Variants in STK32B observed in about 807,000 individuals in gnomAD.
STK32B encodes serine/threonine-protein kinase 32B.
STK32B carries 43 observed loss-of-function variants against 52.6 expected under a neutral mutation model. The ratio of observed to expected loss-of-function variants is 0.82; its 90% CI spans 0.64 to 1.05. The LOEUF (loss-of-function observed/expected upper bound fraction) is 1.05. Among genes scored for constraint, STK32B ranks in the 50% least tolerant of loss-of-function variants. The pLI, the probability that STK32B is intolerant of heterozygous loss-of-function variation, is 0.00. For synonymous variants in STK32B, 238 were observed against 204.3 expected (o/e 1.17, Z -1.41); for missense variants, 621 against 534.6 (o/e 1.16, Z -1.59).
At chr4:5,096,221 A>G (rs545389701) in intron 1 of STK32B, among the ~76,000 whole-genome samples, 3 of 152,376 alleles carry the variant, frequency 2.0e-5, no homozygotes, top group African/African-American at 7.2e-5. Context: ...GGTTTACCCT[A>G]AAATATCCTT....
intron 6 of STK32B, among the ~76,000 whole-genome samples, chr4:5,428,738 T>C (rs1713309266): frequency 1.3e-5 from 2 of 152,224 alleles, no homozygotes; most frequent in East Asian, 3.9e-4. Context: ...ATTACTAAGA[T>C]GTAAGTGTTG....
rs751710621 is a variant in STK32B at position 5,168,301 on chromosome 4, A to T, written c.111A>T (p.Val37=). 1.2e-6 allele frequency: 2 copies of T among 1,613,550 alleles called. No individual in the cohort carries two copies. The highest frequency in any genetic ancestry group is 2.2e-5 in the East Asian group (1 of 44,810). ...TCTCTCCTTTGGCTGTCGCTCAGGT[A>T]TGCATCGTGCAGAAGCGAGACACTA... ...RAIGKGSFGK[V]CIVQKRDTKK... Residue 37 remains valine, a splice_region_variant and synonymous_variant, in exon 3 of 12, where the codon GTA becomes GTT. Coordinates refer to ENST00000282908, the MANE Select transcript of STK32B (RefSeq NM_018401.3).
chr4:5,159,788 A>AAT (rs1201247020), intron 2 of STK32B, among the ~76,000 whole-genome samples: 2 of 145,154 alleles, frequency 1.4e-5, no homozygotes, highest in East Asian at 2.0e-4. Context: ...AATGTTTATG[A>AAT]ATATATATAT....
At chr4:5,416,998 C>T (rs1449320201) in intron 6 of STK32B, 64 bp downstream of exon 6, 1 of 1,463,686 alleles carries the variant, frequency 6.8e-7, no homozygotes, top group African/African-American at 1.4e-5. Flanking sequence ...CAGCATCCTT[C>T]TCTTGTTTCA....
intron 2 of STK32B, among the ~76,000 whole-genome samples, chr4:5,153,229 T>G (rs1577111898): frequency 6.6e-6 from 1 of 152,262 alleles, no homozygotes; most frequent in African/African-American, 2.4e-5. Context: ...CAACAGGGCA[T>G]AGAGGAAAGG....
intron 4 of STK32B, among the ~76,000 whole-genome samples, chr4:5,334,432 A>G (rs1249989832): frequency 6.6e-6 from 1 of 152,120 alleles, no homozygotes; most frequent in Non-Finnish European, 1.5e-5. Flanking sequence ...AACAGGGACA[A>G]TTTGACATCC....
chr4:5,232,318 A>C (rs773261307), intron 3 of STK32B, among the ~76,000 whole-genome samples: 1 of 152,242 alleles, frequency 6.6e-6, no homozygotes, highest in Non-Finnish European at 1.5e-5. Context: ...ATCTAAGAGC[A>C]TGGCAAAGTA....
At position 5,446,735 on chromosome 4, in the gene STK32B, T is replaced by A; in HGVS notation, c.625T>A (p.Trp209Arg). 1.2e-6 allele frequency: 2 copies of A among 1,614,056 alleles called. No homozygotes were observed. The highest frequency in any genetic ancestry group is 4.5e-5 in the East Asian group (2 of 44,864). ...GPGYSYPVDW[W>R]SLGITAYELL... Reference sequence around the variant, plus strand: ...CGGATACTCGTACCCTGTCGACTGGTGGTCCCTGGGCATCACAGCCTATGA... The same window carrying A: ...CGGATACTCGTACCCTGTCGACTGGAGGTCCCTGGGCATCACAGCCTATGA... Residue 209 changes from tryptophan (W) to arginine (R), a missense_variant, in exon 7 of 12, where the codon TGG becomes AGG. Trp to Arg is a moderately radical substitution (Grantham distance 101, BLOSUM62 -3). Coordinates refer to ENST00000282908, the MANE Select transcript of STK32B (RefSeq NM_018401.3).
chr4:5,032,866 AG>A, the STK32B span, among the ~76,000 whole-genome samples: 1 of 152,126 alleles, frequency 6.6e-6, no homozygotes, highest in Non-Finnish European at 1.5e-5. Context: ...TTTGATTTAA[AG>A]GTTTAAACTC....
chr4:5,346,161 G>C (rs1733443178), intron 4 of STK32B, among the ~76,000 whole-genome samples: 1 of 152,168 alleles, frequency 6.6e-6, no homozygotes, highest in Non-Finnish European at 1.5e-5. Flanking sequence ...AATGGGGCTG[G>C]GGTAGTGGTT....
intron 3 of STK32B, among the ~76,000 whole-genome samples, chr4:5,211,018 CTCCTGAGCTCAAAT>C (rs1722874039): frequency 6.6e-6 from 1 of 151,988 alleles, no homozygotes; most frequent in African/African-American, 2.4e-5. Context: ...TGGTCTCAAA[CTCCTGAGCTCAAAT>C]GATCCTCCCA....
chr4:5,063,688 C>G (rs9995925), intron 1 of STK32B, among the ~76,000 whole-genome samples: 8,308 of 152,264 alleles, frequency 0.055, 359 homozygotes, highest in South Asian at 0.15. Flanking sequence ...TTTATTCACA[C>G]TGTGTCTTTG....
chr4:5,276,884 A>C (rs558977131), intron 3 of STK32B, among the ~76,000 whole-genome samples: 1 of 152,268 alleles, frequency 6.6e-6, no homozygotes, highest in East Asian at 1.9e-4. Context: ...TCCCAGTGAG[A>C]GCAAGAGCCT....
At chr4:5,406,161 G>A (rs1011944695) in intron 5 of STK32B, among the ~76,000 whole-genome samples, 1 of 151,922 alleles carries the variant, frequency 6.6e-6, no homozygotes, top group Non-Finnish European at 1.5e-5. Context: ...CAGCAGGGCA[G>A]TCATTAAATC....
At chr4:5,062,751 G>A (rs972374727) in intron 1 of STK32B, among the ~76,000 whole-genome samples, 5 of 151,854 alleles carry the variant, frequency 3.3e-5, no homozygotes, top group Admixed American at 1.3e-4. Flanking sequence ...CTCGTGATCC[G>A]CCCGCCTCAG....
Position 5,500,924 on chromosome 4 carries a change from G to A in STK32B, c.*1841G>A, listed in dbSNP as rs551833498. On this transcript the variant is annotated 3_prime_UTR_variant, in exon 12 of 12. Transcript: ENST00000282908. Reference sequence around the variant, plus strand: ...GGGGCAGGAGCTGGAAGTCGCCCTAGGAACACCAGATTTCCTGGTTCTGTT... The same window carrying A: ...GGGGCAGGAGCTGGAAGTCGCCCTAAGAACACCAGATTTCCTGGTTCTGTT... 6.6e-5 allele frequency: 10 copies of A among 152,102 alleles called. No homozygotes were observed. The highest frequency in any genetic ancestry group is 2.4e-4 in the African/African-American group (10 of 41,538). The allele number at this position is 152,102 out of a possible 1,614,324, so 9.4% of individuals were successfully genotyped here.
chr4:5,314,102 A>G (rs897987326), intron 3 of STK32B, among the ~76,000 whole-genome samples: 24 of 144,766 alleles, frequency 1.7e-4, no homozygotes, highest in African/African-American at 6.3e-4. Flanking sequence ...CACAGGGTCT[A>G]TAATAGCTAA....
At chr4:5,300,706 A>G (rs1252411378) in intron 3 of STK32B, among the ~76,000 whole-genome samples, 1 of 152,192 alleles carries the variant, frequency 6.6e-6, no homozygotes, top group Non-Finnish European at 1.5e-5. Flanking sequence ...AAAAAGAATA[A>G]AATACCTAAG....
intron 3 of STK32B, among the ~76,000 whole-genome samples, chr4:5,251,348 C>T (rs1423317113): frequency 6.6e-6 from 1 of 152,158 alleles, no homozygotes; most frequent in African/African-American, 2.4e-5. Context: ...GGATTCCTTT[C>T]CTTACTGCTT....
Sources: gnomAD v4.1 joint callset for allele counts (sites outside exome capture counted in the v4.1 genomes callset) on GRCh38, gnomAD v4.1.1 for gene constraint, MANE v1.5 for transcripts, NCBI Gene and HGNC (gene_info 2026-07-23, HGNC 2026-07-21) for gene names.